Variants in PCDH15 observed in about 807,000 individuals in gnomAD.
PCDH15 encodes protocadherin-15.
A neutral mutation model predicts 178.5 loss-of-function variants in PCDH15; 129 were observed. The ratio of observed to expected loss-of-function variants is 0.72; its 90% CI spans 0.63 to 0.84. The LOEUF (loss-of-function observed/expected upper bound fraction) is 0.84. Ranked by LOEUF, PCDH15 falls within the 40% of genes least tolerant of loss-of-function variation. The probability of loss-of-function intolerance (pLI) is 0.00; values close to 1 mark genes in which losing one functional copy is unlikely to be tolerated. For synonymous variants in PCDH15, 800 were observed against 732.0 expected (o/e 1.09, Z -1.50); for missense variants, 2,230 against 2,099.9 (o/e 1.06, Z -1.21).
At chr10:55,459,874 T>C (rs1368650628) in intron 2 of PCDH15, among the ~76,000 whole-genome samples, 1 of 151,984 alleles carries the variant, frequency 6.6e-6, no homozygotes, top group Non-Finnish European at 1.5e-5. Context: ...CAAACTTCAA[T>C]TAAAAATATA....
In PCDH15 at chr10:55,339,604, T is replaced by A. The variant is rs1418746473; in HGVS notation, c.-155-172953A>T. ...GTTTTATAAATAGTTTCAGGACACA[T>A]AAGAAAAATAACATTGAGAAATTAG... On this transcript the variant is annotated intron_variant, in intron 2 of 5. Coordinates refer to the PCDH15 transcript ENST00000613346. 2.6e-5 allele frequency among the ~76,000 whole-genome samples: 4 copies of A among 152,152 alleles called. No homozygotes were observed. The South Asian group carries it at 6.2e-4, about 24-fold the overall frequency.
intron 18 of PCDH15, among the ~76,000 whole-genome samples, chr10:54,051,213 A>C (rs1039172581): frequency 6.6e-6 from 1 of 152,214 alleles, no homozygotes; most frequent in Non-Finnish European, 1.5e-5. Flanking sequence ...AAGATGCCTG[A>C]AAATGTGGAG....
intron 8 of PCDH15, among the ~76,000 whole-genome samples, chr10:54,250,680 A>G (rs762667913): frequency 1.2e-4 from 19 of 152,204 alleles, no homozygotes; most frequent in Non-Finnish European, 2.6e-4. Flanking sequence ...AAAGCACACA[A>G]TGACTTGAAA....
At chr10:54,881,589 C>A (rs1591760760) in intron 3 of PCDH15, among the ~76,000 whole-genome samples, 1 of 152,160 alleles carries the variant, frequency 6.6e-6, no homozygotes, top group African/African-American at 2.4e-5. Context: ...GATGCAAAGA[C>A]TTCAAAGTTA....
intron 2 of PCDH15, among the ~76,000 whole-genome samples, chr10:54,660,049 T>A (rs1469164360): frequency 6.6e-6 from 1 of 151,792 alleles, no homozygotes; most frequent in Non-Finnish European, 1.5e-5. Flanking sequence ...ACAAACCAAA[T>A]GTAAAGCTAG....
chr10:55,096,487 C>G (rs1019968648), intron 2 of PCDH15, among the ~76,000 whole-genome samples: 1 of 152,086 alleles, frequency 6.6e-6, no homozygotes, highest in African/African-American at 2.4e-5. Flanking sequence ...CTTTTGTGTG[C>G]GTGTTGTAAC....
chr10:54,783,517 A>G (rs1343084307), intron 1 of PCDH15, among the ~76,000 whole-genome samples: 1 of 152,116 alleles, frequency 6.6e-6, no homozygotes, highest in Non-Finnish European at 1.5e-5. Flanking sequence ...TTCAGCAAAT[A>G]AATATTTGCA....
intron 8 of PCDH15, among the ~76,000 whole-genome samples, chr10:54,253,213 A>G (rs541772279): frequency 6.6e-5 from 10 of 152,202 alleles, no homozygotes; most frequent in Middle Eastern, 3.4e-3. Context: ...AATGAATAAA[A>G]ATAACTTTGT....
chr10:55,287,992 T>C (rs1842913654), intron 1 of PCDH15, among the ~76,000 whole-genome samples: 1 of 151,526 alleles, frequency 6.6e-6, no homozygotes, highest in Non-Finnish European at 1.5e-5. Context: ...AGTATTGAGA[T>C]ATATTTAAAA....
intron 2 of PCDH15, among the ~76,000 whole-genome samples, chr10:54,590,195 C>A (rs1422560955): frequency 6.6e-6 from 1 of 152,040 alleles, no homozygotes; most frequent in Non-Finnish European, 1.5e-5. Context: ...TTGTTTTGCA[C>A]CCATATGACA....
chr10:55,483,108 A>T (rs1028526417), intron 2 of PCDH15, among the ~76,000 whole-genome samples: 1 of 151,880 alleles, frequency 6.6e-6, no homozygotes, highest in African/African-American at 2.4e-5. Flanking sequence ...TGCCAAAAGC[A>T]ATTGTTAACA....
At position 53,828,648 on chromosome 10, in the gene PCDH15, G is replaced by T; in HGVS notation, c.4203-75C>A. 4 of 1,189,192 alleles carry T rather than the reference G, an allele frequency of 3.4e-6. No homozygotes were observed. The South Asian group carries it at 3.8e-5, about 11-fold the overall frequency. The allele number at this position is 1,189,192 out of a possible 1,614,324, so 73.7% of individuals were successfully genotyped here. A position where few individuals can be genotyped will look rare whatever the true frequency, so the allele number is the denominator to read the frequency against. ...TTGCATTAATAACATTTTAACATCT[G>T]ATTTATTCTAAATCATGAATAATTT... is the stretch of plus-strand genomic sequence containing the variant. On this transcript the variant is annotated intron_variant, in intron 30 of 37. Transcript: ENST00000644397.
At chr10:55,349,732 T>C (rs560452780) in intron 2 of PCDH15, among the ~76,000 whole-genome samples, 1 of 152,262 alleles carries the variant, frequency 6.6e-6, no homozygotes, top group East Asian at 1.9e-4. Flanking sequence ...AGATTTTTCA[T>C]TTTCATTATC....
rs146168535 is a variant in PCDH15, at chr10:55,063,550, T to C, written c.-80+103026A>G. Among the ~76,000 whole-genome samples the C allele has an allele frequency of 6.1e-3, 936 of 152,216 alleles. 10 individuals carry two copies. Among genetic ancestry groups the C allele is most frequent in the African/African-American group, 0.021 (892 of 41,560 alleles). On this transcript the variant is annotated intron_variant, in intron 2 of 5. Coordinates refer to the PCDH15 transcript ENST00000458638. ...GGGAGAATTACCATCTTTATCTGTATACATGGGGAGAATTACTATCTTTTT... is the reference window on the plus strand; with the variant it reads ...GGGAGAATTACCATCTTTATCTGTACACATGGGGAGAATTACTATCTTTTT...
intron 8 of PCDH15, among the ~76,000 whole-genome samples, chr10:54,285,326 CAGATA>C (rs2058966563): frequency 6.6e-6 from 1 of 150,662 alleles, no homozygotes; most frequent in Admixed American, 6.6e-5. Flanking sequence ...AACCATGTAT[CAGATA>C]AGATATTAAT....
chr10:54,999,813 C>T (rs140015364), intron 2 of PCDH15, among the ~76,000 whole-genome samples: 1,580 of 152,238 alleles, frequency 0.01, 26 homozygotes, highest in African/African-American at 0.035. Flanking sequence ...GGACAGAATA[C>T]AAAAGAGAGA....
rs943321599 is a variant in PCDH15 at position 55,348,191 on chromosome 10, T to C, written c.-155-181540A>G. On this transcript the variant is annotated intron_variant, in intron 2 of 5. Coordinates refer to the PCDH15 transcript ENST00000613346. ...TAGACATTTAGCTATTTAAATTTAA[T>C]TCAATTTAAAAAATACAAAATATAA... is the stretch of plus-strand genomic sequence containing the variant. Among the ~76,000 whole-genome samples, 8 of 152,294 alleles carry C rather than the reference T, an allele frequency of 5.3e-5. No homozygotes were observed. In the East Asian group the frequency reaches 1.2e-3, roughly 22 times the overall value.
chr10:55,330,453 T>C (rs1844170475), intron 2 of PCDH15, among the ~76,000 whole-genome samples: 1 of 151,882 alleles, frequency 6.6e-6, no homozygotes, highest in Non-Finnish European at 1.5e-5. Context: ...CTGGCACTGG[T>C]GATTATTTCT....
At chr10:54,668,436 CT>C (rs2094605611) in intron 1 of PCDH15, among the ~76,000 whole-genome samples, 1 of 152,120 alleles carries the variant, frequency 6.6e-6, no homozygotes, top group South Asian at 2.1e-4. Flanking sequence ...TGAATGAGAA[CT>C]TTACAATGAA....
Sources: allele counts gnomAD v4.1 joint callset (sites outside exome capture counted in the v4.1 genomes callset), GRCh38; gene constraint gnomAD v4.1.1; transcripts MANE v1.5; gene names NCBI Gene and HGNC (gene_info 2026-07-23, HGNC 2026-07-21).